Variants in SCGN observed in about 807,000 individuals in gnomAD.
The protein encoded by SCGN is secretagogin.
SCGN carries 30 observed loss-of-function variants against 39.7 expected under a neutral mutation model. The observed-to-expected ratio is 0.76, with a 90% CI of 0.57 to 1.03. The LOEUF (loss-of-function observed/expected upper bound fraction) is 1.03, where lower values mean the gene tolerates loss of function less well. SCGN is among the 50% of genes least tolerant of loss of function. SCGN has a pLI of 0.00. For synonymous variants in SCGN, 106 were observed against 114.1 expected (o/e 0.93, Z 0.45); for missense variants, 353 against 349.4 (o/e 1.01, Z -0.08).
chr6:25,665,491 G>T (rs1409016871), intron 4 of SCGN, among the ~76,000 whole-genome samples: 4 of 152,210 alleles, frequency 2.6e-5, no homozygotes, highest in African/African-American at 9.7e-5. Flanking sequence ...TCATTAGAGT[G>T]CTGGTCCAGC....
chr6:25,698,843 A>G (rs1423571975), intron 10 of SCGN, among the ~76,000 whole-genome samples: 1 of 152,002 alleles, frequency 6.6e-6, no homozygotes, highest in Non-Finnish European at 1.5e-5. Flanking sequence ...TCTGGTGTTT[A>G]TTTTTCCTGC....
intron 2 of SCGN, among the ~76,000 whole-genome samples, chr6:25,657,759 G>T (rs1398565790): frequency 6.7e-6 from 1 of 149,800 alleles, no homozygotes; most frequent in Non-Finnish European, 1.5e-5. Context: ...TCCAAGCTAG[G>T]GTAGCCTTTG....
chr6:25,688,897 A>AT (rs1759740061), intron 7 of SCGN, among the ~76,000 whole-genome samples: 2 of 151,448 alleles, frequency 1.3e-5, no homozygotes, highest in Admixed American at 1.3e-4. Flanking sequence ...TATTTTGACT[A>AT]TTTTTTCCAG....
intron 1 of SCGN, among the ~76,000 whole-genome samples, chr6:25,652,731 C>T (rs1760156001): frequency 6.6e-6 from 1 of 152,050 alleles, no homozygotes; most frequent in Non-Finnish European, 1.5e-5. Flanking sequence ...TGTGTGCGAG[C>T]GCGCCATATA....
At chr6:25,680,847 T>C (rs1443784813) in intron 6 of SCGN, among the ~76,000 whole-genome samples, 2 of 152,240 alleles carry the variant, frequency 1.3e-5, no homozygotes, top group Non-Finnish European at 2.9e-5. Context: ...GAATAGGTTT[T>C]CAAATTCATT....
intron 5 of SCGN, 68 bp from the exon 6 acceptor site, chr6:25,669,931 G>A: frequency 8.3e-7 from 1 of 1,202,474 alleles, no homozygotes; most frequent in Non-Finnish European, 1.2e-6. Context: ...CTTGAAATAA[G>A]GCCTTTTAAG....
chr6:25,689,472 G>C lies in SCGN; in HGVS notation c.574-1G>C. ...TGACATAATGTTTTTTCCTTACACA[G>C]GCTTGTTCTACTGAAGAAAGGAAAA... On this transcript the variant is annotated splice_acceptor_variant, in intron 8 of 10. Coordinates refer to ENST00000377961, the MANE Select transcript of SCGN (RefSeq NM_006998.4). LOFTEE classifies it high-confidence loss of function. The C allele has an allele frequency of 6.2e-7, 1 of 1,612,852 alleles. No homozygotes were observed.
chr6:25,696,731 G>A (rs1010892775), intron 10 of SCGN, among the ~76,000 whole-genome samples: 2 of 152,112 alleles, frequency 1.3e-5, no homozygotes, highest in African/African-American at 4.8e-5. Context: ...CCTCAAACCT[G>A]ACTTTTCTTC....
intron 10 of SCGN, among the ~76,000 whole-genome samples, chr6:25,697,645 A>G (rs1207537461): frequency 2.6e-5 from 4 of 152,206 alleles, no homozygotes; most frequent in Non-Finnish European, 5.9e-5. Context: ...AATTTCATAG[A>G]TATAATTGAG....
intron 1 of SCGN, 57 bp downstream of exon 1, chr6:25,652,542 C>A: frequency 1.3e-6 from 2 of 1,525,906 alleles, no homozygotes; most frequent in East Asian, 2.3e-5. Flanking sequence ...AAGCTCAGCC[C>A]GCTGAAAGGA....
At chr6:25,668,796 T>C (rs1759435872) in intron 4 of SCGN, among the ~76,000 whole-genome samples, 1 of 152,196 alleles carries the variant, frequency 6.6e-6, no homozygotes, top group African/African-American at 2.4e-5. Flanking sequence ...CCTTTCACTT[T>C]CTTGCGATCT....
chr6:25,683,036 T>C (rs1759657239), intron 7 of SCGN, among the ~76,000 whole-genome samples: 1 of 152,216 alleles, frequency 6.6e-6, no homozygotes, highest in African/African-American at 2.4e-5. Context: ...TGGCCTTCTA[T>C]CTGTGCCTCA....
At chr6:25,674,521 T>C (rs1045544892) in intron 6 of SCGN, among the ~76,000 whole-genome samples, 1 of 152,234 alleles carries the variant, frequency 6.6e-6, no homozygotes, top group Non-Finnish European at 1.5e-5. Context: ...AATCACGTTA[T>C]TGCTGCTTTA....
chr6:25,701,137 T>C (rs1759906314), intron 10 of SCGN, 70 bp from the exon 11 acceptor site: 1 of 1,531,670 alleles, frequency 6.5e-7, no homozygotes, highest in Admixed American at 1.9e-5. Flanking sequence ...TTAGGGAGCA[T>C]CAGAGAGGGT....
intron 10 of SCGN, among the ~76,000 whole-genome samples, chr6:25,692,276 G>A (rs891533893): frequency 6.6e-6 from 1 of 152,282 alleles, no homozygotes. Flanking sequence ...ATTATCTATG[G>A]GATATTAAAG....
At chr6:25,672,773 G>A (rs112293507) in intron 6 of SCGN, among the ~76,000 whole-genome samples, 13 of 152,304 alleles carry the variant, frequency 8.5e-5, no homozygotes, top group African/African-American at 3.1e-4. Context: ...GGGCAAGTAT[G>A]GAATCAGGAA....
At chr6:25,687,620 T>A (rs548395928) in intron 7 of SCGN, among the ~76,000 whole-genome samples, 2 of 152,308 alleles carry the variant, frequency 1.3e-5, no homozygotes, top group South Asian at 4.1e-4. Context: ...TTGTATCATC[T>A]ATAAAGAGAT....
intron 3 of SCGN, among the ~76,000 whole-genome samples, chr6:25,662,542 G>C (rs1760354624): frequency 6.6e-6 from 1 of 152,272 alleles, no homozygotes; most frequent in Non-Finnish European, 1.5e-5. Context: ...CTAGTCTCTT[G>C]ATGCTGTGAC....
Position 25,669,408 on chromosome 6 carries a change from A to T in SCGN, c.337-103A>T, listed in dbSNP as rs2064127. The T allele has an allele frequency of 0.28, 281,369 of 1,005,360 alleles. 40,273 individuals are homozygous for T. Among genetic ancestry groups the T allele is most frequent in the African/African-American group, 0.35 (21,666 of 62,260 alleles). 62.3% of individuals were successfully genotyped at this position (1,005,360 alleles called of 1,614,324 possible). A position where few individuals can be genotyped will look rare whatever the true frequency, so the allele number is the denominator to read the frequency against. The stretch of plus-strand genomic sequence containing the variant: ...AGTTTCCATCAAAAGTGGAATTTCC[A>T]TTCAGTTAAGTACTGTTTTCAGATG... On this transcript the variant is annotated intron_variant, in intron 4 of 10. Transcript: ENST00000377961.
Sources: gnomAD v4.1 joint callset for allele counts (sites outside exome capture counted in the v4.1 genomes callset) on GRCh38, gnomAD v4.1.1 for gene constraint, MANE v1.5 for transcripts, NCBI Gene and HGNC (gene_info 2026-07-23, HGNC 2026-07-21) for gene names.